NTN5: variants seen among roughly 807,000 people sequenced by gnomAD.
NTN5 encodes the protein netrin 5, also known as netrin-5.
Under a neutral mutation model 38.7 loss-of-function variants are expected in NTN5, and 42 were observed. The ratio of observed to expected loss-of-function variants is 1.08; its 90% CI spans 0.85 to 1.40. The LOEUF is 1.40. Among genes scored for constraint, NTN5 ranks in the 40% most tolerant of loss-of-function variants. The pLI is 0.00. For missense variants in NTN5, 658 were observed against 716.5 expected, an observed-to-expected ratio of 0.92 and a Z score of 0.93; for synonymous variants, 329 against 303.9, an observed-to-expected ratio of 1.08 and a Z score of -0.86.
Position 48,664,288 on chromosome 19 carries a change from G to A in NTN5, c.825C>T (p.Cys275=). Residue 275 remains cysteine, a synonymous_variant, in exon 4 of 7, where the codon TGC becomes TGT. Transcript: ENST00000270235. ...PIFSRRACRA[C]QCHPIGATGG... ...CTGTTGCCCCAATAGGGTGGCACTG[G>A]CAGGCTACATGAGCAGAGGAGCTGG... 6.2e-7 allele frequency: 1 copy of A among 1,612,624 alleles called. No homozygotes were observed.
intron 2 of NTN5, among the ~76,000 whole-genome samples, chr19:48,669,195 CCACCAT>C (rs2031799592): frequency 2.9e-5 from 1 of 33,992 alleles, no homozygotes; most frequent in Non-Finnish European, 5.1e-5. Context: ...ACCATCATCA[CCACCAT>C]CACCATCACC....
At chr19:48,667,282 C>T in intron 2 of NTN5, 1 of 223,296 alleles carries the variant, frequency 4.5e-6, no homozygotes, top group Non-Finnish European at 9.9e-6. Flanking sequence ...AGCTCTGCCA[C>T]AGGCATTAGT....
At chr19:48,663,163 C>T (rs2147736205) in intron 6 of NTN5, 2 of 528,496 alleles carry the variant, frequency 3.8e-6, no homozygotes, top group East Asian at 4.8e-5. Context: ...GTTCATTCCA[C>T]TCAACCAGTT....
chr19:48,663,450 C>T lies in NTN5; in HGVS notation c.1105+13G>A, dbSNP rs114679945. 5.7e-4 allele frequency: 926 copies of T among 1,610,550 alleles called. 7 individuals are homozygous for T. The African/African-American group carries it at 0.011, about 19-fold the overall frequency. Reference sequence around the variant, plus strand: ...CTGTGTAGCCTTCAGCTGTCTGTCTCCCCAGCACTCACCATGGTCCTGCTG... The same window carrying T: ...CTGTGTAGCCTTCAGCTGTCTGTCTTCCCAGCACTCACCATGGTCCTGCTG... On this transcript the variant is annotated intron_variant, in intron 6 of 6. Transcript: ENST00000270235.
intron 3 of NTN5, 121 bp downstream of exon 3, chr19:48,664,458 C>T (rs2031638409): frequency 7.5e-7 from 1 of 1,328,774 alleles, no homozygotes; most frequent in Non-Finnish European, 1.0e-6. Flanking sequence ...GCCCAGAGTC[C>T]AGGCCCCCAG....
At chr19:48,664,047 C>G (rs1423896047) in intron 4 of NTN5, 96 bp downstream of exon 4, 1 of 1,437,110 alleles carries the variant, frequency 7.0e-7, no homozygotes, top group Non-Finnish European at 9.3e-7. Context: ...CTCCCAATTC[C>G]CAAGGCCCCA....
Position 48,673,008 on chromosome 19 carries a change from A to T in NTN5, c.-97T>A, listed in dbSNP as rs2032002071. ...CCAAGCTGTGGCGCGGTGGGCTCTC[A>T]GGAGGGAGTGGCGTGGCTGTTCTCA... On this transcript the variant is annotated 5_prime_UTR_variant, in exon 1 of 7. Transcript: ENST00000270235. 3.0e-6 allele frequency: 1 copy of T among 330,614 alleles called. No homozygotes were observed. The highest frequency in any genetic ancestry group is 2.2e-5 in the South Asian group (1 of 45,592). The allele number at this position is 330,614 out of a possible 1,614,324, so 20.5% of individuals were successfully genotyped here.
At chr19:48,670,266 G>T in intron 2 of NTN5, 90 bp downstream of exon 2, 1 of 1,296,758 alleles carries the variant, frequency 7.7e-7, no homozygotes, top group Non-Finnish European at 1.0e-6. Flanking sequence ...CCCAGTTCCA[G>T]CGAGGGAAGG....
Position 48,670,495 on chromosome 19 carries a change from G to A in NTN5, c.492C>T (p.Ala164=). 2 of 1,479,718 alleles carry A rather than the reference G, an allele frequency of 1.4e-6. No homozygotes were observed. Among genetic ancestry groups the A allele is most frequent in the Non-Finnish European group, 1.8e-6 (2 of 1,114,376 alleles). 91.7% of individuals were successfully genotyped at this position (1,479,718 alleles called of 1,614,324 possible). The change falls in exon 2 of 7, where the codon GCC becomes GCT. Residue 164 remains alanine (A), a synonymous_variant. Transcript: ENST00000270235. ...GGGGCCGGGCACGGGCGGCACAGCGGGCAGCGTGGCCATGACACTGGCAGC... is the reference window on the plus strand; with the variant it reads ...GGGGCCGGGCACGGGCGGCACAGCGAGCAGCGTGGCCATGACACTGGCAGC... The part of the protein sequence containing the change: ...RGRCQCHGHA[A]RCAARARPPR...
intron 2 of NTN5, among the ~76,000 whole-genome samples, chr19:48,669,902 A>C: frequency 7.3e-6 from 1 of 137,504 alleles, no homozygotes; most frequent in East Asian, 2.3e-4. Flanking sequence ...CACCACCACC[A>C]TCACCACCAC....
At position 48,670,501 on chromosome 19, in the gene NTN5, G is replaced by A. The variant is rs779420886; in HGVS notation, c.486C>T (p.His162=). The A allele has an allele frequency of 8.0e-5, 119 of 1,481,322 alleles. No homozygotes were observed. In the African/African-American group the frequency reaches 8.4e-4, roughly 10 times the overall value. The allele number at this position is 1,481,322 out of a possible 1,614,324, so 91.8% of individuals were successfully genotyped here. The part of the protein sequence containing the change: ...GLRGRCQCHG[H]AARCAARARP... ...GGGCACGGGCGGCACAGCGGGCAGC[G>A]TGGCCATGACACTGGCAGCGGCCTC... Residue 162 remains histidine, a synonymous_variant, in exon 2 of 7, where the codon CAC becomes CAT. Coordinates refer to ENST00000270235, the MANE Select transcript of NTN5 (RefSeq NM_145807.4).
chr19:48,662,128 G>C, intron 6 of NTN5, 87 bp from the exon 7 acceptor site: 1 of 1,273,382 alleles, frequency 7.9e-7, no homozygotes, highest in Non-Finnish European at 1.0e-6. Flanking sequence ...GTGGGCAGGA[G>C]CCCGAGACCG....
chr19:48,662,995 A>G (rs565453040), intron 6 of NTN5: 1 of 334,842 alleles, frequency 3.0e-6, no homozygotes, highest in African/African-American at 2.1e-5. Context: ...AGAGCTGAAT[A>G]GCCTGAGGTC....
rs1033081222 is a variant in NTN5 at position 48,670,571 on chromosome 19, C to T, written c.416G>A (p.Arg139His). The T allele has an allele frequency of 2.6e-6, 4 of 1,558,748 alleles. No homozygotes were observed. The highest frequency in any genetic ancestry group is 3.5e-6 in the Non-Finnish European group (4 of 1,152,196). The change falls in exon 2 of 7, where the codon CGT (arginine) becomes CAT (histidine). Residue 139 changes from arginine to histidine, a missense_variant. By Grantham distance (29) the Arg-to-His change is conservative. Transcript: ENST00000270235. ...CCCGGCCTGGCCCCCAAACTCCACA[C>T]GGAGGTGGCTGGCCGCCACAGTGGC... ...PKATVAASHL[R>H]VEFGGQAGLA... is the part of the protein sequence containing the mutation.
At chr19:48,668,114 G>A (rs553675522) in intron 2 of NTN5, among the ~76,000 whole-genome samples, 6 of 152,268 alleles carry the variant, frequency 3.9e-5, no homozygotes, top group Admixed American at 6.5e-5. Context: ...GCACCTGTGG[G>A]AAAGAGGGCA....
In NTN5 at chr19:48,670,379, G is replaced by A. The variant is rs2031922313; in HGVS notation, c.608C>T (p.Pro203Leu). ...ACGTAGGCAAGGGTGGGGGTGCCGG[G>A]GCGTGGCAGGCCGCCAGGGCCAGTC... ...HRDWPWRPAT[P>L]RHPHPCLPCS... Residue 203 changes from proline to leucine, a missense_variant, in exon 2 of 7, where the codon CCC becomes CTC. Pro to Leu is a moderately conservative substitution (Grantham distance 98). Coordinates refer to ENST00000270235, the MANE Select transcript of NTN5 (RefSeq NM_145807.4). The A allele has an allele frequency of 2.1e-6, 3 of 1,416,144 alleles. No homozygotes were observed. Among genetic ancestry groups the A allele is most frequent in the African/African-American group, 3.0e-5 (2 of 65,818 alleles). 87.7% of individuals were successfully genotyped at this position (1,416,144 alleles called of 1,614,324 possible).
Position 48,664,785 on chromosome 19 carries a change from TG to T in NTN5, c.632-19del. On this transcript the variant is annotated intron_variant, in intron 2 of 6. Transcript: ENST00000270235. ...GGAGCAGGCTAGGAGCAAAATGGGG[TG>T]GGGGCGCATCAGGGCCGAGTGTGCT... 1 of 1,521,174 alleles carries T rather than the reference TG, an allele frequency of 6.6e-7. No homozygotes were observed. Among genetic ancestry groups the T allele is most frequent in the Non-Finnish European group, 8.8e-7 (1 of 1,132,952 alleles). The allele number at this position is 1,521,174 out of a possible 1,614,324, so 94.2% of individuals were successfully genotyped here.
chr19:48,669,797 AT>A, intron 2 of NTN5, among the ~76,000 whole-genome samples: 1 of 108,722 alleles, frequency 9.2e-6, no homozygotes, highest in Non-Finnish European at 1.9e-5. Context: ...CACCATCACC[AT>A]CACCACCATC....
chr19:48,664,020 C>T, intron 4 of NTN5, 123 bp downstream of exon 4: 2 of 1,316,548 alleles, frequency 1.5e-6, no homozygotes, highest in Non-Finnish European at 2.1e-6. Context: ...GCCCAGAGTC[C>T]AGCCTCCAGC....
Sources: allele counts gnomAD v4.1 joint callset (sites outside exome capture counted in the v4.1 genomes callset), GRCh38; gene constraint gnomAD v4.1.1; transcripts MANE v1.5; gene names NCBI Gene and HGNC (gene_info 2026-07-23, HGNC 2026-07-21).